ZNF155: variants seen among roughly 807,000 people sequenced by gnomAD.
ZNF155 encodes the protein zinc finger protein 155, also known as KRAB A domain.
In ZNF155, 15 loss-of-function variants were observed where a neutral mutation model predicts 11.9. The ratio of observed to expected loss-of-function variants is 1.26; its 90% CI spans 0.84 to 1.94. ZNF155 has a LOEUF of 1.94. Ranked by LOEUF, ZNF155 falls within the 30% of genes most tolerant of loss-of-function variation. The pLI is 0.00. For missense variants in ZNF155, 602 were observed against 639.1 expected, an observed-to-expected ratio of 0.94 and a Z score of 0.63; for synonymous variants, 212 against 219.9, an observed-to-expected ratio of 0.96 and a Z score of 0.32.
intron 4 of ZNF155, among the ~76,000 whole-genome samples, chr19:43,994,590 G>A (rs1394940074): frequency 6.6e-6 from 1 of 152,058 alleles, no homozygotes; most frequent in African/African-American, 2.4e-5. Flanking sequence ...ATTTTTACAG[G>A]GAAAACATGT....
At chr19:43,985,431 GATA>G (rs1457965697) in intron 1 of ZNF155, among the ~76,000 whole-genome samples, 1 of 151,574 alleles carries the variant, frequency 6.6e-6, no homozygotes, top group Non-Finnish European at 1.5e-5. Flanking sequence ...CATGGGTGTT[GATA>G]ATAATTAAAC....
At chr19:43,992,282 C>T (rs1403251011) in intron 4 of ZNF155, among the ~76,000 whole-genome samples, 1 of 152,172 alleles carries the variant, frequency 6.6e-6, no homozygotes, top group African/African-American at 2.4e-5. Context: ...CATCTTTCTC[C>T]ATCATTTCCA....
rs548675555 is a variant in ZNF155, at chr19:43,995,176, A to G, written c.236-917A>G. Among the ~76,000 whole-genome samples, 4 of 151,866 alleles carry G rather than the reference A, an allele frequency of 2.6e-5. No homozygotes were observed. The East Asian group carries it at 5.8e-4, about 22-fold the overall frequency. ...GTTGGAGTGCAGTGGCACGATCTCA[A>G]TCTCAGCTCACTGCAACCTCTGCCT... On this transcript the variant is annotated intron_variant, in intron 4 of 4. Coordinates refer to ENST00000270014, the MANE Select transcript of ZNF155 (RefSeq NM_198089.3).
chr19:43,995,237 G>C (rs1468240415), intron 4 of ZNF155, among the ~76,000 whole-genome samples: 2 of 151,658 alleles, frequency 1.3e-5, no homozygotes, highest in South Asian at 2.1e-4. Context: ...TCAGCCTCCT[G>C]AGTAGCTGGG....
intron 1 of ZNF155, among the ~76,000 whole-genome samples, chr19:43,986,449 G>GTTTTT (rs869271791): frequency 3.4e-5 from 2 of 58,028 alleles, no homozygotes; most frequent in Admixed American, 2.3e-4. Context: ...TCCCATTTGT[G>GTTTTT]TTTTTTTTTT....
intron 4 of ZNF155, among the ~76,000 whole-genome samples, chr19:43,992,659 C>T (rs1442176105): frequency 1.3e-5 from 2 of 152,236 alleles, no homozygotes; most frequent in Non-Finnish European, 2.9e-5. Flanking sequence ...TTTCAGGTCC[C>T]TTGTGATTGC....
intron 4 of ZNF155, 104 bp from the exon 5 acceptor site, chr19:43,995,987 TTC>T: frequency 7.2e-7 from 1 of 1,389,340 alleles, no homozygotes; most frequent in African/African-American, 1.4e-5. Flanking sequence ...AAACTGAACA[TTC>T]TCTGTATTCA....
chr19:43,992,964 C>G (rs574255411), intron 4 of ZNF155, among the ~76,000 whole-genome samples: 12 of 152,338 alleles, frequency 7.9e-5, no homozygotes, highest in Non-Finnish European at 1.8e-4. Flanking sequence ...TGAGACTTAT[C>G]CTGGAGCTTT....
chr19:43,992,259 C>T (rs931758064), intron 4 of ZNF155, among the ~76,000 whole-genome samples: 7 of 152,204 alleles, frequency 4.6e-5, no homozygotes, highest in Non-Finnish European at 5.9e-5. Context: ...TCTCTGACTA[C>T]GTGTGTCCTT....
chr19:43,992,232 C>T (rs1975690487), intron 4 of ZNF155, among the ~76,000 whole-genome samples: 1 of 152,180 alleles, frequency 6.6e-6, no homozygotes, highest in African/African-American at 2.4e-5. Context: ...GTGGTCTGCT[C>T]TTCATCCCAT....
At chr19:43,992,917 A>C (rs1975715105) in intron 4 of ZNF155, among the ~76,000 whole-genome samples, 1 of 152,254 alleles carries the variant, frequency 6.6e-6, no homozygotes, top group Non-Finnish European at 1.5e-5. Context: ...ACTTCTAAGC[A>C]TTGTTTTTAT....
chr19:43,988,539 G>A lies in ZNF155; in HGVS notation c.-5G>A, dbSNP rs780778267. The A allele has an allele frequency of 3.7e-6, 6 of 1,606,790 alleles. No homozygotes were observed. The East Asian group carries it at 1.1e-4, about 30-fold the overall frequency. On this transcript the variant is annotated 5_prime_UTR_variant, in exon 2 of 5. Coordinates refer to ENST00000270014, the MANE Select transcript of ZNF155 (RefSeq NM_198089.3). ...GTCTGCAAATTCCCCAAAGTAGGAG[G>A]AAAAATGACCACATTCAAGGTGAGG...
Position 43,997,209 on chromosome 19 carries a change from C to T in ZNF155, c.1352C>T (p.Thr451Met), listed in dbSNP as rs149814633. 1.2e-4 allele frequency: 198 copies of T among 1,614,070 alleles called. No individual in the cohort carries two copies. In the East Asian group the frequency reaches 2.6e-3, roughly 21 times the overall value. ...FNLDLHQRVHTGERPYNCKEC... is the reference protein window; with the variant it reads ...FNLDLHQRVHMGERPYNCKEC... ...CTTGACTTGCACCAGAGGGTCCACA[C>T]GGGAGAGAGACCTTATAATTGTAAG... is the stretch of plus-strand genomic sequence containing the variant. The change falls in exon 5 of 5, where the codon ACG becomes ATG. Residue 451 changes from threonine (T) to methionine (M), a missense_variant. Coordinates refer to ENST00000270014, the MANE Select transcript of ZNF155 (RefSeq NM_198089.3).
chr19:43,993,042 T>C (rs190663303), intron 4 of ZNF155, among the ~76,000 whole-genome samples: 1 of 152,364 alleles, frequency 6.6e-6, no homozygotes, highest in Admixed American at 6.5e-5. Context: ...TACATTTCCT[T>C]TGAAAGATTT....
In ZNF155 at chr19:43,997,711, ACAAT is replaced by A. The variant is rs1040896882; in HGVS notation, c.*241_*244del. Reference sequence around the variant, plus strand: ...TAACACAAAAAGCAGCCTGGGGAAGACAATCAAGCTACAGGCACTGATAAGGGAA... The same window carrying A: ...TAACACAAAAAGCAGCCTGGGGAAGACAAGCTACAGGCACTGATAAGGGAA... On this transcript the variant is annotated 3_prime_UTR_variant, in exon 5 of 5. Transcript: ENST00000270014. The A allele has an allele frequency of 7.6e-5, 34 of 448,360 alleles. No individual in the cohort carries two copies. Among genetic ancestry groups the A allele is most frequent in the Middle Eastern group, 1.2e-3 (2 of 1,640 alleles). The allele number at this position is 448,360 out of a possible 1,614,324, so 27.8% of individuals were successfully genotyped here.
Position 43,991,653 on chromosome 19 carries a change from T to G in ZNF155, c.121T>G (p.Phe41Val), listed in dbSNP as rs753490663. 5 of 1,614,074 alleles carry G rather than the reference T, an allele frequency of 3.1e-6. No homozygotes were observed. In the South Asian group the frequency reaches 5.5e-5, roughly 18 times the overall value. The change falls in exon 3 of 5, where the codon TTC (phenylalanine) becomes GTC (valine). Residue 41 changes from phenylalanine to valine, a missense_variant. By Grantham distance (50) the Phe-to-Val change is conservative (BLOSUM62 -1). Transcript: ENST00000270014. ...KLYRDVMLEN[F>V]RNLLSVGHQP... ...GTACCGAGATGTGATGCTGGAGAAC[T>G]TCAGGAACCTGCTCTCAGTGGGTGA...
intron 1 of ZNF155, among the ~76,000 whole-genome samples, chr19:43,987,867 C>T (rs981158382): frequency 5.3e-5 from 8 of 152,186 alleles, no homozygotes; most frequent in African/African-American, 1.9e-4. Flanking sequence ...TCATAGCATT[C>T]ACCAATTTCA....
chr19:43,984,792 C>T (rs957927921), intron 1 of ZNF155, among the ~76,000 whole-genome samples: 1 of 152,186 alleles, frequency 6.6e-6, no homozygotes, highest in African/African-American at 2.4e-5. Context: ...TCTCTTGGAG[C>T]CCGGCAGGGC....
At chr19:43,984,325 A>T (rs1476346889) in intron 1 of ZNF155, 80 bp downstream of exon 1, 1 of 152,242 alleles carries the variant, frequency 6.6e-6, no homozygotes, top group East Asian at 1.9e-4. Flanking sequence ...CTAAGGGGGT[A>T]AGAAGCCCTG....
Sources: gnomAD v4.1 joint callset for allele counts (sites outside exome capture counted in the v4.1 genomes callset) on GRCh38, gnomAD v4.1.1 for gene constraint, MANE v1.5 for transcripts, NCBI Gene and HGNC (gene_info 2026-07-23, HGNC 2026-07-21) for gene names.